The following TENM2 variants were observed in gnomAD, a reference collection of about 807,000 sequenced individuals.
TENM2 encodes the protein teneurin-2.
A neutral mutation model predicts 245.2 loss-of-function variants in TENM2; 52 were observed. The ratio of observed to expected loss-of-function variants is 0.21; its 90% CI spans 0.17 to 0.27. The LOEUF is 0.27. Ranked by LOEUF, TENM2 falls within the 10% of genes least tolerant of loss-of-function variation. The pLI is 1.00. For missense variants in TENM2, 3,046 were observed against 3,666.8 expected, an observed-to-expected ratio of 0.83 and a Z score of 4.37; for synonymous variants, 1,363 against 1,438.9, an observed-to-expected ratio of 0.95 and a Z score of 1.19.
intron 2 of TENM2, among the ~76,000 whole-genome samples, chr5:167,549,615 A>G: frequency 6.6e-6 from 1 of 152,212 alleles, no homozygotes. Context: ...TTTTGTTTTC[A>G]AACAACATCT....
At chr5:167,632,045 T>C (rs958147792) in intron 2 of TENM2, among the ~76,000 whole-genome samples, 3 of 152,166 alleles carry the variant, frequency 2.0e-5, no homozygotes, top group African/African-American at 7.2e-5. Flanking sequence ...GTATGTTCAC[T>C]GCCCCAAGAA....
At chr5:167,822,233 A>T (rs1767591428) in intron 2 of TENM2, among the ~76,000 whole-genome samples, 1 of 152,070 alleles carries the variant, frequency 6.6e-6, no homozygotes, top group African/African-American at 2.4e-5. Context: ...GGAAAAAAAA[A>T]TGATTATAGA....
At chr5:167,476,075 T>C (rs1034956549) in intron 2 of TENM2, among the ~76,000 whole-genome samples, 1 of 152,184 alleles carries the variant, frequency 6.6e-6, no homozygotes, top group Admixed American at 6.5e-5. Context: ...CTTAATACAG[T>C]TGGGTTTGTT....
intron 5 of TENM2, among the ~76,000 whole-genome samples, chr5:168,038,917 T>C (rs1021736097): frequency 1.3e-5 from 2 of 152,016 alleles, no homozygotes; most frequent in Non-Finnish European, 2.9e-5. Flanking sequence ...GGCTCCAGAG[T>C]TCAGATCAGA....
intron 2 of TENM2, among the ~76,000 whole-genome samples, chr5:167,538,041 G>A (rs1400284777): frequency 4.6e-5 from 7 of 152,182 alleles, no homozygotes. Context: ...TTTCTAATCA[G>A]GAGACAGTAC....
At chr5:167,187,001 TCTC>T in the TENM2 span, among the ~76,000 whole-genome samples, 8 of 152,192 alleles carry the variant, frequency 5.3e-5, no homozygotes, top group African/African-American at 1.7e-4. Flanking sequence ...ATAACTAACT[TCTC>T]CTCTCCACCC....
At chr5:167,393,687 A>G (rs1761895264) in intron 2 of TENM2, among the ~76,000 whole-genome samples, 2 of 152,202 alleles carry the variant, frequency 1.3e-5, no homozygotes, top group South Asian at 2.1e-4. Flanking sequence ...AGTTTTGAGC[A>G]TAAGAATGTC....
chr5:167,459,950 A>ACAAC, intron 2 of TENM2, among the ~76,000 whole-genome samples: 1 of 150,668 alleles, frequency 6.6e-6, no homozygotes, highest in South Asian at 2.1e-4. Flanking sequence ...ACACACACAC[A>ACAAC]ACACACACTC....
intron 4 of TENM2, among the ~76,000 whole-genome samples, chr5:167,969,085 C>T (rs1235153192): frequency 2.6e-5 from 4 of 152,098 alleles, no homozygotes; most frequent in Non-Finnish European, 5.9e-5. Context: ...ACTTTGTGCC[C>T]AGTAGGATAC....
chr5:167,712,629 C>T (rs1383369148), intron 2 of TENM2, among the ~76,000 whole-genome samples: 3 of 152,070 alleles, frequency 2.0e-5, no homozygotes, highest in Non-Finnish European at 4.4e-5. Flanking sequence ...TTTTGTGGTA[C>T]TATTACTCAA....
exon 1 of TENM2, chr5:167,284,876 A>T: frequency 6.4e-7 from 1 of 1,551,810 alleles, no homozygotes; most frequent in Non-Finnish European, 8.7e-7. Flanking sequence ...CTTTGACCAG[A>T]GGACGCTGTG....
chr5:167,768,571 C>T (rs1191530517), intron 2 of TENM2, among the ~76,000 whole-genome samples: 1 of 152,134 alleles, frequency 6.6e-6, no homozygotes. Context: ...CCATCAGGAG[C>T]TCATAATGGT....
chr5:167,295,552 G>C (rs907123368), intron 1 of TENM2, among the ~76,000 whole-genome samples: 18 of 152,310 alleles, frequency 1.2e-4, no homozygotes, highest in Middle Eastern at 3.4e-3. Context: ...TACAATCTGT[G>C]TCCAGGAGTG....
At chr5:167,843,304 T>C (rs1304085023) in intron 2 of TENM2, among the ~76,000 whole-genome samples, 1 of 152,228 alleles carries the variant, frequency 6.6e-6, no homozygotes, top group Non-Finnish European at 1.5e-5. Flanking sequence ...CGTTTTTGTT[T>C]GCTTGTGTGT....
Position 167,463,506 on chromosome 5 carries a change from A to AT in TENM2, c.502+88042dup, listed in dbSNP as rs34710536. On this transcript the variant is annotated intron_variant, in intron 2 of 28. Coordinates refer to ENST00000518659, the Ensembl canonical transcript of TENM2. Reference sequence around the variant, plus strand: ...TACTAGAAGATATTTATTTTATTTTATTTTTTTTTGAGGCAGAGTTTCACT... The same window carrying AT: ...TACTAGAAGATATTTATTTTATTTTATTTTTTTTTTGAGGCAGAGTTTCACT... 3.0e-3 allele frequency among the ~76,000 whole-genome samples: 321 copies of AT among 106,358 alleles called. 3 individuals carry two copies. Among genetic ancestry groups the AT allele is most frequent in the East Asian group, 0.028 (128 of 4,550 alleles). The allele number at this position is 106,358 out of a possible 152,430, so 69.8% of individuals were successfully genotyped here. A position where few individuals can be genotyped will look rare whatever the true frequency, so the allele number is the denominator to read the frequency against.
At chr5:168,094,516 A>C (rs532163138) in intron 8 of TENM2, among the ~76,000 whole-genome samples, 6 of 152,192 alleles carry the variant, frequency 3.9e-5, no homozygotes, top group Admixed American at 3.9e-4. Flanking sequence ...TAAATGTTTC[A>C]TTTGTACCCA....
At chr5:167,035,968 C>G in the TENM2 span, among the ~76,000 whole-genome samples, 1 of 152,176 alleles carries the variant, frequency 6.6e-6, no homozygotes, top group Non-Finnish European at 1.5e-5. Flanking sequence ...GTCTCAAACT[C>G]CTGACCTCAG....
At chr5:167,513,810 C>T (rs1770132176) in intron 2 of TENM2, among the ~76,000 whole-genome samples, 1 of 152,180 alleles carries the variant, frequency 6.6e-6, no homozygotes, top group Admixed American at 6.5e-5. Context: ...GCAGTTTATC[C>T]TCCACTGACA....
At chr5:167,582,274 T>C (rs1464243763) in intron 2 of TENM2, among the ~76,000 whole-genome samples, 3 of 152,228 alleles carry the variant, frequency 2.0e-5, no homozygotes, top group African/African-American at 7.2e-5. Flanking sequence ...GTATTAAACA[T>C]GCACAAATAA....
Sources: allele counts gnomAD v4.1 joint callset (sites outside exome capture counted in the v4.1 genomes callset), GRCh38; gene constraint gnomAD v4.1.1; transcripts MANE v1.5; gene names NCBI Gene and HGNC (gene_info 2026-07-23, HGNC 2026-07-21).